The following NIPA1 variants were observed in gnomAD, a reference collection of about 807,000 sequenced individuals.
NIPA1 encodes the protein magnesium transporter NIPA1.
In NIPA1, 13 loss-of-function variants were observed where a neutral mutation model predicts 23.9. That is an observed-to-expected ratio of 0.54 (90% CI 0.35 to 0.87). The LOEUF (loss-of-function observed/expected upper bound fraction) is 0.87, where lower values mean the gene tolerates loss of function less well. Among genes scored for constraint, NIPA1 ranks in the 40% least tolerant of loss-of-function variants. The probability of loss-of-function intolerance (pLI) is 0.01; values close to 1 mark genes in which losing one functional copy is unlikely to be tolerated. For synonymous variants in NIPA1, 234 were observed against 202.9 expected (o/e 1.15, Z -1.30); for missense variants, 362 against 429.7 (o/e 0.84, Z 1.39).
rs774885145 is a variant in NIPA1, at chr15:22,826,261, GCAA to G, written c.*2028_*2030del. 18 of 145,942 alleles carry G rather than the reference GCAA, an allele frequency of 1.2e-4. No homozygotes were observed. Among genetic ancestry groups the G allele is most frequent in the Non-Finnish European group, 2.6e-4 (17 of 66,502 alleles). 9.0% of individuals were successfully genotyped at this position (145,942 alleles called of 1,614,324 possible). A position where few individuals can be genotyped will look rare whatever the true frequency, so the allele number is the denominator to read the frequency against. On this transcript the variant is annotated 3_prime_UTR_variant, in exon 5 of 5. Transcript: ENST00000337435. The stretch of plus-strand genomic sequence containing the variant: ...GTCAGTGATTTGTGAACTGAGAGCA[GCAA>G]CAACATTATTTTTTAAAAATCTTAA...
Position 22,789,641 on chromosome 15 carries a change from C to T in NIPA1, c.178+2807C>T, listed in dbSNP as rs192136835. 2.4e-3 allele frequency among the ~76,000 whole-genome samples: 359 copies of T among 152,288 alleles called. 3 individuals are homozygous for T. The highest frequency in any genetic ancestry group is 3.4e-3 in the Middle Eastern group (1 of 294). On this transcript the variant is annotated intron_variant, in intron 1 of 4. Transcript: ENST00000337435. Reference sequence around the variant, plus strand: ...GAGGGAGGCATGGAGGTGTCTTACACTAGGGAACATTTCCGAGTCATGTGG... The same window carrying T: ...GAGGGAGGCATGGAGGTGTCTTACATTAGGGAACATTTCCGAGTCATGTGG...
chr15:22,793,422 C>T (rs1379205240), intron 1 of NIPA1, among the ~76,000 whole-genome samples: 2 of 150,244 alleles, frequency 1.3e-5, no homozygotes, highest in Non-Finnish European at 3.0e-5. Context: ...TTCTGCCCTG[C>T]TGTCAAACAT....
chr15:22,803,382 C>A (rs1000359941), intron 1 of NIPA1, among the ~76,000 whole-genome samples: 3 of 151,050 alleles, frequency 2.0e-5, no homozygotes, highest in Non-Finnish European at 2.9e-5. Context: ...TATACTCACA[C>A]ATATATACGC....
intron 3 of NIPA1, chr15:22,813,688 A>G (rs1895361589): frequency 2.2e-6 from 1 of 456,036 alleles, no homozygotes; most frequent in Non-Finnish European, 4.4e-6. Flanking sequence ...ATTGAAGTTT[A>G]CACCTTAGAG....
chr15:22,807,210 G>C (rs1895227241), intron 1 of NIPA1, among the ~76,000 whole-genome samples: 1 of 152,108 alleles, frequency 6.6e-6, no homozygotes, highest in Admixed American at 6.6e-5. Context: ...TCCTCATTTT[G>C]TGACTTTTGA....
chr15:22,800,452 A>G (rs1342809529), intron 1 of NIPA1, among the ~76,000 whole-genome samples: 6 of 152,110 alleles, frequency 3.9e-5, no homozygotes, highest in Non-Finnish European at 4.4e-5. Flanking sequence ...GATGCAGTTA[A>G]GACCTACACG....
rs748419770 is a variant in NIPA1, at chr15:22,823,807, C to G, written c.558C>G (p.Thr186=). 9.9e-6 allele frequency: 16 copies of G among 1,613,874 alleles called. No homozygotes were observed. The East Asian group carries it at 2.9e-4, about 29-fold the overall frequency. Residue 186 remains threonine, a synonymous_variant, in exon 5 of 5, where the codon ACC becomes ACG. Coordinates refer to ENST00000337435, the MANE Select transcript of NIPA1 (RefSeq NM_144599.5). ...IFWIAPAHGP[T]NIMVYISICS... is the part of the protein sequence containing the mutation. ...GGATCGCGCCGGCCCATGGGCCCACCAACATCATGGTCTACATCAGCATCT... is the reference window on the plus strand; with the variant it reads ...GGATCGCGCCGGCCCATGGGCCCACGAACATCATGGTCTACATCAGCATCT...
At chr15:22,802,996 G>A (rs975366974) in intron 1 of NIPA1, among the ~76,000 whole-genome samples, 15 of 151,746 alleles carry the variant, frequency 9.9e-5, no homozygotes, top group Admixed American at 5.9e-4. Context: ...TTGCTCTGTC[G>A]CCCATGCTGG....
intron 1 of NIPA1, among the ~76,000 whole-genome samples, chr15:22,805,058 T>C (rs933388898): frequency 2.6e-5 from 4 of 152,064 alleles, no homozygotes; most frequent in Non-Finnish European, 5.9e-5. Context: ...GCCAGGATGG[T>C]CTCAATCTCC....
chr15:22,796,776 C>T (rs1448090692), intron 1 of NIPA1, among the ~76,000 whole-genome samples: 1 of 152,182 alleles, frequency 6.6e-6, no homozygotes, highest in East Asian at 1.9e-4. Flanking sequence ...CAGGGCTGGT[C>T]TGAGAGGCCA....
intron 1 of NIPA1, among the ~76,000 whole-genome samples, chr15:22,796,071 C>T (rs1163261277): frequency 1.3e-5 from 2 of 151,822 alleles, no homozygotes; most frequent in African/African-American, 4.8e-5. Context: ...AGCACCACCT[C>T]TGCATCTAGC....
intron 1 of NIPA1, among the ~76,000 whole-genome samples, chr15:22,804,860 C>T (rs1222220416): frequency 5.9e-5 from 9 of 151,512 alleles, no homozygotes; most frequent in Non-Finnish European, 1.5e-5. Flanking sequence ...TTTTTTAAGA[C>T]GGAGTCCGCT....
rs116637434 is a variant in NIPA1, at chr15:22,799,345, A to C, written c.179-11404A>C. On this transcript the variant is annotated intron_variant, in intron 1 of 4. Coordinates refer to ENST00000337435, the MANE Select transcript of NIPA1 (RefSeq NM_144599.5). The stretch of plus-strand genomic sequence containing the variant: ...AATCAAATACCACATGTTCTTACTT[A>C]TATGTGGGAGCTAAACACATAGACA... Among the ~76,000 whole-genome samples the C allele has an allele frequency of 2.4e-3, 362 of 152,300 alleles. 3 individuals carry two copies. The highest frequency in any genetic ancestry group is 8.1e-3 in the African/African-American group (337 of 41,566).
rs1156977956 is a variant in NIPA1, at chr15:22,825,110, T to C, written c.*871T>C. 4 of 152,238 alleles carry C rather than the reference T, an allele frequency of 2.6e-5. No individual in the cohort carries two copies. Among genetic ancestry groups the C allele is most frequent in the Non-Finnish European group, 4.4e-5 (3 of 68,052 alleles). 9.4% of individuals were successfully genotyped at this position (152,238 alleles called of 1,614,324 possible). A position where few individuals can be genotyped will look rare whatever the true frequency, so the allele number is the denominator to read the frequency against. On this transcript the variant is annotated 3_prime_UTR_variant, in exon 5 of 5. Transcript: ENST00000337435. The stretch of plus-strand genomic sequence containing the variant: ...AGGTGACTTTATTGTGTGAACATCA[T>C]GGAGTGCACTTATACAAACCTAGAT...
chr15:22,786,761 C>G lies in NIPA1; in HGVS notation c.105C>G (p.Ala35=). 7.6e-7 allele frequency: 1 copy of G among 1,314,626 alleles called. No homozygotes were observed. The highest frequency in any genetic ancestry group is 9.9e-7 in the Non-Finnish European group (1 of 1,011,122). The allele number at this position is 1,314,626 out of a possible 1,614,324, so 81.4% of individuals were successfully genotyped here. ...CCGTGTCGCTCGGCCTGGGCGTGGC[C>G]GTCGTGTCGAGCCTGGTGAACGGGT... ...PAAVSLGLGV[A]VVSSLVNGST... is the part of the protein sequence containing the mutation. The change falls in exon 1 of 5, where the codon GCC becomes GCG. Residue 35 remains alanine, a synonymous_variant. Transcript: ENST00000337435.
At chr15:22,822,520 A>G (rs1352278815) in intron 4 of NIPA1, among the ~76,000 whole-genome samples, 1 of 151,964 alleles carries the variant, frequency 6.6e-6, no homozygotes, top group Admixed American at 6.5e-5. Flanking sequence ...ATCTCCATTC[A>G]CTTGTATTGT....
chr15:22,799,642 T>G (rs898229017), intron 1 of NIPA1, among the ~76,000 whole-genome samples: 1 of 151,752 alleles, frequency 6.6e-6, no homozygotes, highest in Non-Finnish European at 1.5e-5. Flanking sequence ...ATTAGCCAGG[T>G]GTGGCGGCAG....
chr15:22,808,620 TC>T (rs1331391231), intron 1 of NIPA1, among the ~76,000 whole-genome samples: 1 of 152,152 alleles, frequency 6.6e-6, no homozygotes, highest in Non-Finnish European at 1.5e-5. Context: ...TGTTTTAGTA[TC>T]CGTTAATGAT....
At chr15:22,811,061 G>A (rs1292589531) in intron 2 of NIPA1, 2 of 516,392 alleles carry the variant, frequency 3.9e-6, no homozygotes, top group South Asian at 2.1e-5. Context: ...ACGATTAGCC[G>A]TGAATTCAGT....
Sources: allele counts gnomAD v4.1 joint callset (sites outside exome capture counted in the v4.1 genomes callset), GRCh38; gene constraint gnomAD v4.1.1; transcripts MANE v1.5; gene names NCBI Gene and HGNC (gene_info 2026-07-23, HGNC 2026-07-21).